Variants in AGAP1 observed in about 807,000 individuals in gnomAD.
AGAP1 encodes the protein ArfGAP with GTPase domain, ankyrin repeat and PH domain 1, also known as arf-GAP with GTPase, ANK repeat and PH domain-containing protein 1.
Under a neutral mutation model 105.3 loss-of-function variants are expected in AGAP1, and 29 were observed. The ratio of observed to expected loss-of-function variants is 0.28; its 90% CI spans 0.21 to 0.38. AGAP1 has a LOEUF of 0.38. Among genes scored for constraint, AGAP1 ranks in the 10% least tolerant of loss-of-function variants. The pLI is 1.00. For missense variants in AGAP1, 998 were observed against 1,165.1 expected (o/e 0.86, Z 2.09); for synonymous variants, 509 against 485.9 (o/e 1.05, Z -0.63).
chr2:236,029,459 G>A (rs1252238050), intron 13 of AGAP1, among the ~76,000 whole-genome samples: 1 of 145,834 alleles, frequency 6.9e-6, no homozygotes. Context: ...TTTTTTTTCG[G>A]TATTTTAGTA....
At chr2:235,938,204 C>G (rs554849076) in intron 12 of AGAP1, among the ~76,000 whole-genome samples, 9 of 152,314 alleles carry the variant, frequency 5.9e-5, no homozygotes, top group Admixed American at 3.9e-4. Context: ...GTGCCAGAGC[C>G]TTCCCTGCTT....
intron 13 of AGAP1, among the ~76,000 whole-genome samples, chr2:236,019,750 G>A (rs2056829154): frequency 6.6e-6 from 1 of 152,238 alleles, no homozygotes; most frequent in Admixed American, 6.5e-5. Flanking sequence ...CCACAGATCT[G>A]CAGACAGCTG....
At position 235,535,405 on chromosome 2, in the gene AGAP1, C is replaced by T. The variant is rs957622214; in HGVS notation, c.163+40556C>T. On this transcript the variant is annotated intron_variant, in intron 1 of 17. Transcript: ENST00000304032. The surrounding 1 kb of genome is among the most constrained non-coding windows in gnomAD (Gnocchi z 5.1). Reference sequence around the variant, plus strand: ...CGCCTGACCCTCATTATGTCAGTTACTACTAAATGAAATTAGAACTTCACT... The same window carrying T: ...CGCCTGACCCTCATTATGTCAGTTATTACTAAATGAAATTAGAACTTCACT... Among the ~76,000 whole-genome samples the T allele has an allele frequency of 6.6e-6, 1 of 151,966 alleles. No homozygotes were observed. Among genetic ancestry groups the T allele is most frequent in the African/African-American group, 2.4e-5 (1 of 41,370 alleles).
chr2:235,581,753 C>G (rs1320689836), intron 1 of AGAP1, among the ~76,000 whole-genome samples: 3 of 151,908 alleles, frequency 2.0e-5, no homozygotes, highest in Non-Finnish European at 4.4e-5. Context: ...TGCAGTGAGC[C>G]GAGATCGTGC....
In AGAP1 at chr2:235,741,750, ATTAT is replaced by A. The variant is rs1319759238; in HGVS notation, c.396+713_396+716del. ...GTTATTATTATTATTGTTATTTTTT[ATTAT>A]TTATTTATTTTTTTTTTTTGAGACA... On this transcript the variant is annotated intron_variant, in intron 4 of 17. Transcript: ENST00000304032. The surrounding 1 kb of genome is among the most constrained non-coding windows in gnomAD (Gnocchi z 4.9). Among the ~76,000 whole-genome samples, 4 of 148,338 alleles carry A rather than the reference ATTAT, an allele frequency of 2.7e-5. No homozygotes were observed. Among genetic ancestry groups the A allele is most frequent in the African/African-American group, 7.5e-5 (3 of 40,010 alleles).
At chr2:235,683,135 C>T (rs1346421545) in intron 1 of AGAP1, among the ~76,000 whole-genome samples, 1 of 152,064 alleles carries the variant, frequency 6.6e-6, no homozygotes, top group Admixed American at 6.5e-5. Flanking sequence ...GTGAAACCCC[C>T]ATCTCTACTA....
In AGAP1 at chr2:235,747,566, A is replaced by G. The variant is rs990064940; in HGVS notation, c.538+2727A>G. Among the ~76,000 whole-genome samples, 2 of 152,176 alleles carry G rather than the reference A, an allele frequency of 1.3e-5. No homozygotes were observed. Among genetic ancestry groups the G allele is most frequent in the Admixed American group, 1.3e-4 (2 of 15,282 alleles). On this transcript the variant is annotated intron_variant, in intron 5 of 17. Transcript: ENST00000304032. The surrounding 1 kb of genome is among the most constrained non-coding windows in gnomAD (Gnocchi z 5.0). ...CAGATGAACCAGAACGAAAAGTTGC[A>G]ATCAGGGCTGTATTCCTCACCTGCG...
chr2:235,780,802 G>A (rs1956214244), intron 6 of AGAP1, among the ~76,000 whole-genome samples: 1 of 152,152 alleles, frequency 6.6e-6, no homozygotes, highest in Non-Finnish European at 1.5e-5. Context: ...CTGGTTGGTG[G>A]TAGAAACAGT....
rs887398835 is a variant in AGAP1 at position 235,653,699 on chromosome 2, A to T, written c.164-55480A>T. ...ACAATGTATGTTTCACTCAGAGCAT[A>T]AACAAAATTGTTGAAGAGCCAGCCT... On this transcript the variant is annotated intron_variant, in intron 1 of 17. Coordinates refer to ENST00000304032, the MANE Select transcript of AGAP1 (RefSeq NM_001037131.3). Among the ~76,000 whole-genome samples the T allele has an allele frequency of 2.0e-5, 3 of 152,324 alleles. No homozygotes were observed. In the East Asian group the frequency reaches 5.8e-4, roughly 29 times the overall value.
intron 1 of AGAP1, among the ~76,000 whole-genome samples, chr2:235,554,279 C>T (rs1574836131): frequency 2.0e-5 from 3 of 152,324 alleles, no homozygotes; most frequent in Admixed American, 6.5e-5. Flanking sequence ...TTAGCTGCTC[C>T]GCACCATTTA....
chr2:235,987,506 A>ATT lies in AGAP1; in HGVS notation c.1645+18900_1645+18901dup, dbSNP rs3030714. Among the ~76,000 whole-genome samples, 65 of 120,228 alleles carry ATT rather than the reference A, an allele frequency of 5.4e-4. 2 individuals carry two copies. In the South Asian group the frequency reaches 0.011, roughly 21 times the overall value. 78.9% of individuals were successfully genotyped at this position (120,228 alleles called of 152,430 possible). A position where few individuals can be genotyped will look rare whatever the true frequency, so the allele number is the denominator to read the frequency against. On this transcript the variant is annotated intron_variant, in intron 13 of 17. Transcript: ENST00000304032. ...AAAAAACCAGCTACTGGATTCATTG[A>ATT]TTTTTTTTTTTTTTTTTTGGAGGGT...
intron 1 of AGAP1, among the ~76,000 whole-genome samples, chr2:235,597,446 C>T (rs1210001749): frequency 3.9e-5 from 6 of 152,236 alleles, no homozygotes; most frequent in African/African-American, 1.4e-4. Context: ...CTTGGCCAGT[C>T]TTTCCGTCAC....
intron 1 of AGAP1, among the ~76,000 whole-genome samples, chr2:235,571,051 C>T (rs1944496004): frequency 1.3e-5 from 2 of 152,216 alleles, no homozygotes; most frequent in Admixed American, 1.3e-4. Context: ...GGGAAGCCCA[C>T]GTTTCACATG....
At chr2:236,079,643 G>A (rs72973070) in intron 16 of AGAP1, among the ~76,000 whole-genome samples, 21,191 of 151,870 alleles carry the variant, frequency 0.14, 2,782 homozygotes, top group African/African-American at 0.34. Flanking sequence ...CTGCAGCAGG[G>A]GTAGGCAGAC....
chr2:235,583,029 T>C (rs1264618108), intron 1 of AGAP1, among the ~76,000 whole-genome samples: 1 of 152,194 alleles, frequency 6.6e-6, no homozygotes, highest in Non-Finnish European at 1.5e-5. Context: ...AACTGGCCAC[T>C]TTCAGACCAG....
intron 1 of AGAP1, among the ~76,000 whole-genome samples, chr2:235,579,920 C>G (rs979646754): frequency 3.3e-5 from 5 of 152,242 alleles, no homozygotes; most frequent in African/African-American, 1.2e-4. Context: ...TCCCCCTCTC[C>G]CTAGCACCTG....
intron 9 of AGAP1, among the ~76,000 whole-genome samples, chr2:235,829,986 G>A (rs1252014376): frequency 1.3e-5 from 2 of 152,142 alleles, no homozygotes; most frequent in African/African-American, 2.4e-5. Flanking sequence ...AGGAAGACTG[G>A]GGGCACATGG....
In AGAP1 at chr2:235,887,439, C is replaced by T. The variant is rs768811171; in HGVS notation, c.1155+3990C>T. On this transcript the variant is annotated intron_variant, in intron 10 of 17. Coordinates refer to ENST00000304032, the MANE Select transcript of AGAP1 (RefSeq NM_001037131.3). This position sits in a 1 kb window ranked among gnomAD's most constrained non-coding sequence, Gnocchi z 4.1. ...CAGGCCCATGTCCAGCCTCTGTAGA[C>T]CTATATCAAGTCATTAAAAGTAGAT... is the stretch of plus-strand genomic sequence containing the variant. Among the ~76,000 whole-genome samples, 12 of 152,182 alleles carry T rather than the reference C, an allele frequency of 7.9e-5. No homozygotes were observed. Among genetic ancestry groups the T allele is most frequent in the Non-Finnish European group, 1.6e-4 (11 of 68,038 alleles).
chr2:235,808,339 A>G (rs1298841456), intron 9 of AGAP1, among the ~76,000 whole-genome samples: 1 of 152,204 alleles, frequency 6.6e-6, no homozygotes, highest in Non-Finnish European at 1.5e-5. Context: ...TCCCTTAGGA[A>G]CTGTGTAGGC....
Sources: allele counts gnomAD v4.1 joint callset (sites outside exome capture counted in the v4.1 genomes callset), GRCh38; gene constraint gnomAD v4.1.1; non-coding constraint Gnocchi (gnomAD v3.1); transcripts MANE v1.5; gene names NCBI Gene and HGNC (gene_info 2026-07-23, HGNC 2026-07-21).